Variants in CSMD2 observed in about 807,000 individuals in gnomAD.
CSMD2 encodes the protein CUB and sushi domain-containing protein 2.
In CSMD2, 130 loss-of-function variants were observed where a neutral mutation model predicts 398.5. That is an observed-to-expected ratio of 0.33 (90% confidence interval 0.28 to 0.38). The LOEUF (loss-of-function observed/expected upper bound fraction) is 0.38. Among genes scored for constraint, CSMD2 ranks in the 10% least tolerant of loss-of-function variants. The pLI is 1.00. For missense variants in CSMD2, 3,829 were observed against 4,764.9 expected (o/e 0.80, Z 5.78); for synonymous variants, 1,828 against 1,908.5 (o/e 0.96, Z 1.10).
intron 12 of CSMD2, among the ~76,000 whole-genome samples, chr1:33,778,072 A>G (rs1422187833): frequency 6.6e-6 from 1 of 152,194 alleles, no homozygotes; most frequent in East Asian, 1.9e-4. Flanking sequence ...TTCCTTTGGC[A>G]TGACTAACGC....
chr1:33,610,074 C>T (rs187192309), intron 41 of CSMD2, among the ~76,000 whole-genome samples: 105 of 152,268 alleles, frequency 6.9e-4, no homozygotes, highest in African/African-American at 2.2e-3. Flanking sequence ...TCACCAGACA[C>T]GGAATCTGCT....
chr1:33,602,511 T>C lies in CSMD2; in HGVS notation c.6568A>G (p.Thr2190Ala). The change falls in exon 43 of 71, where the codon ACT (threonine) becomes GCT (alanine). Residue 2190 changes from threonine to alanine, a missense_variant. By Grantham distance (58) the Thr-to-Ala change is moderately conservative. Transcript: ENST00000373381. ...CGGNITSSNG[T>A]VYSPGFPSPY... is the part of the protein sequence containing the mutation. ...CTAGGGAACCCCGGGGAGTACACAG[T>C]GCCGTTGGAAGAAGTGATGTTCCCG... 1 of 1,603,842 alleles carries C rather than the reference T, an allele frequency of 6.2e-7. No individual in the cohort carries two copies. Among genetic ancestry groups the C allele is most frequent in the Non-Finnish European group, 8.5e-7 (1 of 1,175,422 alleles).
At chr1:34,044,172 A>G (rs6681379) in intron 2 of CSMD2, among the ~76,000 whole-genome samples, 2,096 of 152,292 alleles carry the variant, frequency 0.014, 50 homozygotes, top group African/African-American at 0.048. Context: ...AGAGACTGAC[A>G]AATTAATACA....
chr1:33,712,620 T>C (rs1038015269), intron 21 of CSMD2, among the ~76,000 whole-genome samples: 5 of 152,194 alleles, frequency 3.3e-5, no homozygotes, highest in African/African-American at 9.6e-5. Context: ...GAATAATAAG[T>C]TAAAGAATGA....
At chr1:34,009,541 G>T (rs1354778706) in intron 3 of CSMD2, among the ~76,000 whole-genome samples, 1 of 151,858 alleles carries the variant, frequency 6.6e-6, no homozygotes, top group African/African-American at 2.4e-5. Flanking sequence ...CCTCAGTGAT[G>T]GTCCCTCCAT....
chr1:33,678,880 G>A (rs1644809460), intron 25 of CSMD2, among the ~76,000 whole-genome samples: 2 of 152,206 alleles, frequency 1.3e-5, no homozygotes, highest in African/African-American at 4.8e-5. Context: ...ATTTTCTAAA[G>A]TGGAAAAATA....
chr1:33,831,559 G>A (rs1401995741), intron 6 of CSMD2, among the ~76,000 whole-genome samples: 1 of 151,842 alleles, frequency 6.6e-6, no homozygotes, highest in African/African-American at 2.4e-5. Context: ...GCAAAATCAT[G>A]CCAAAATGTA....
chr1:34,023,765 G>A (rs1649252317), intron 3 of CSMD2, among the ~76,000 whole-genome samples: 1 of 152,106 alleles, frequency 6.6e-6, no homozygotes, highest in African/African-American at 2.4e-5. Context: ...TCTTGAAATG[G>A]AGAGAAAATT....
chr1:33,870,927 G>A (rs916937397), intron 5 of CSMD2: 1 of 149,766 alleles, frequency 6.7e-6, no homozygotes, highest in Non-Finnish European at 1.5e-5. Context: ...AAGGAACAGA[G>A]GGTGGCTTCT....
chr1:33,530,529 T>C (rs1655142740), intron 64 of CSMD2, among the ~76,000 whole-genome samples: 1 of 152,172 alleles, frequency 6.6e-6, no homozygotes, highest in South Asian at 2.1e-4. Context: ...ATGGAAAACG[T>C]ATGAAGGTTC....
intron 5 of CSMD2, among the ~76,000 whole-genome samples, chr1:33,910,094 A>G (rs571543853): frequency 1.4e-3 from 211 of 150,624 alleles, no homozygotes; most frequent in African/African-American, 5.0e-3. Context: ...CTGCAGAGTC[A>G]CAAAAAAAGT....
chr1:34,096,500 A>G (rs1408984557), intron 1 of CSMD2, among the ~76,000 whole-genome samples: 1 of 148,766 alleles, frequency 6.7e-6, no homozygotes, highest in Non-Finnish European at 1.5e-5. Flanking sequence ...ATGATTGTAT[A>G]TCTAGAAAAC....
intron 26 of CSMD2, among the ~76,000 whole-genome samples, chr1:33,659,031 A>T (rs1644040732): frequency 6.6e-6 from 1 of 152,242 alleles, no homozygotes; most frequent in Non-Finnish European, 1.5e-5. Context: ...CCAAGGATCC[A>T]TTAGACTGAA....
chr1:33,897,001 C>T (rs1287897617), intron 5 of CSMD2, among the ~76,000 whole-genome samples: 2 of 150,750 alleles, frequency 1.3e-5, no homozygotes, highest in African/African-American at 2.4e-5. Flanking sequence ...TCACAGAGGC[C>T]GTGGTGGAGG....
At chr1:34,036,424 A>G (rs1248098077) in intron 2 of CSMD2, among the ~76,000 whole-genome samples, 1 of 152,230 alleles carries the variant, frequency 6.6e-6, no homozygotes, top group Non-Finnish European at 1.5e-5. Flanking sequence ...TCAAAAGATC[A>G]CATGCCATGT....
At position 33,519,873 on chromosome 1, in the gene CSMD2, T is replaced by A; in HGVS notation, c.10675A>T (p.Ile3559Phe). The A allele has an allele frequency of 6.2e-7, 1 of 1,613,960 alleles. No homozygotes were observed. The change falls in exon 69 of 71, where the codon ATC (isoleucine) becomes TTC (phenylalanine). Residue 3559 changes from isoleucine (I) to phenylalanine (F), a missense_variant. Transcript: ENST00000373381. The surrounding 1 kb of genome is among the most constrained non-coding windows in gnomAD (Gnocchi z 5.6). ...ATGAGGGCGATGAAAGGCACCAGGA[T>A]CGCGGCTGCCACTGAGCTGCTGTTG... ...ASNSSSVAAA[I>F]LVPFIALIIA...
At chr1:33,796,456 T>C (rs1402170940) in intron 10 of CSMD2, among the ~76,000 whole-genome samples, 8 of 152,256 alleles carry the variant, frequency 5.3e-5, no homozygotes, top group Non-Finnish European at 1.0e-4. Context: ...TGAATGTAAA[T>C]TGTGAAGATT....
At chr1:34,104,548 T>C (rs2148422634) in intron 1 of CSMD2, among the ~76,000 whole-genome samples, 1 of 152,266 alleles carries the variant, frequency 6.6e-6, no homozygotes, top group Middle Eastern at 3.4e-3. Context: ...CAATCTGGAC[T>C]GGGGATATGG....
chr1:33,937,312 G>A (rs1460179067), intron 3 of CSMD2, among the ~76,000 whole-genome samples: 1 of 152,192 alleles, frequency 6.6e-6, no homozygotes, highest in Non-Finnish European at 1.5e-5. Context: ...ACTTCCTGGA[G>A]GAGGTGACAT....
Sources: allele counts gnomAD v4.1 joint callset (sites outside exome capture counted in the v4.1 genomes callset), GRCh38; gene constraint gnomAD v4.1.1; non-coding constraint Gnocchi (gnomAD v3.1); transcripts MANE v1.5; gene names NCBI Gene and HGNC (gene_info 2026-07-23, HGNC 2026-07-21).